IGSF21: variants seen among roughly 807,000 people sequenced by gnomAD.
IGSF21 encodes immunoglobin superfamily member 21, also known as immunoglobulin superfamily member 21.
A neutral mutation model predicts 46.8 loss-of-function variants in IGSF21; 28 were observed. The ratio of observed to expected loss-of-function variants is 0.60; its 90% confidence interval spans 0.44 to 0.82. The LOEUF (loss-of-function observed/expected upper bound fraction) is 0.82. Ranked by LOEUF, IGSF21 falls within the 40% of genes least tolerant of loss-of-function variation. The pLI, the probability that IGSF21 is intolerant of heterozygous loss-of-function variation, is 0.00. For synonymous variants in IGSF21, 284 were observed against 273.6 expected (o/e 1.04, Z -0.38); for missense variants, 624 against 665.5 (o/e 0.94, Z 0.69).
At chr1:18,241,129 G>A (rs2084723241) in intron 2 of IGSF21, among the ~76,000 whole-genome samples, 1 of 152,198 alleles carries the variant, frequency 6.6e-6, no homozygotes, top group Non-Finnish European at 1.5e-5. Context: ...TGGGAGTTGA[G>A]AGGAGGGGGA....
intron 2 of IGSF21, among the ~76,000 whole-genome samples, chr1:18,247,206 G>C (rs760083557): frequency 1.3e-5 from 2 of 152,136 alleles, no homozygotes; most frequent in Non-Finnish European, 2.9e-5. Flanking sequence ...GTCAGGGGAT[G>C]TGAACCTTCC....
intron 1 of IGSF21, among the ~76,000 whole-genome samples, chr1:18,158,251 C>T (rs1469426822): frequency 6.6e-6 from 1 of 152,184 alleles, no homozygotes; most frequent in African/African-American, 2.4e-5. Flanking sequence ...AGGACTCACC[C>T]TCAGCCGGAG....
intron 2 of IGSF21, among the ~76,000 whole-genome samples, chr1:18,262,740 A>T (rs1386369808): frequency 1.1e-4 from 16 of 152,012 alleles, no homozygotes; most frequent in Admixed American, 1.0e-3. Flanking sequence ...ATTGAGAGAG[A>T]TTCTTCCTGG....
chr1:18,341,263 A>G (rs1389010456), intron 4 of IGSF21, among the ~76,000 whole-genome samples: 1 of 151,806 alleles, frequency 6.6e-6, no homozygotes, highest in Non-Finnish European at 1.5e-5. Context: ...CCACCTCAAC[A>G]GATTTGCTCC....
At chr1:18,184,026 A>T (rs1324115997) in intron 1 of IGSF21, among the ~76,000 whole-genome samples, 1 of 152,160 alleles carries the variant, frequency 6.6e-6, no homozygotes, top group Non-Finnish European at 1.5e-5. Flanking sequence ...TTCACAAGGT[A>T]ACACAGGATA....
At chr1:18,356,552 T>C (rs1047857682) in intron 4 of IGSF21, among the ~76,000 whole-genome samples, 3 of 152,366 alleles carry the variant, frequency 2.0e-5, no homozygotes, top group East Asian at 1.9e-4. Context: ...TTGGGATTAT[T>C]CTGGCCCAGG....
intron 1 of IGSF21, among the ~76,000 whole-genome samples, chr1:18,201,727 G>T (rs917994058): frequency 1.3e-5 from 2 of 152,130 alleles, no homozygotes; most frequent in African/African-American, 4.8e-5. Flanking sequence ...CGGGGGGTCT[G>T]TCCGTTACTG....
At chr1:18,287,179 T>TA (rs2085220633) in intron 2 of IGSF21, among the ~76,000 whole-genome samples, 1 of 32,970 alleles carries the variant, frequency 3.0e-5, no homozygotes, top group South Asian at 1.8e-3. Flanking sequence ...AGACTCCGTC[T>TA]CAAAAAAAAA....
chr1:18,267,878 G>A (rs2085004882), intron 2 of IGSF21, among the ~76,000 whole-genome samples: 1 of 152,244 alleles, frequency 6.6e-6, no homozygotes, highest in South Asian at 2.1e-4. Flanking sequence ...ATTCACTCAT[G>A]TATTGTCTGC....
chr1:18,298,175 C>T (rs1001437589), intron 3 of IGSF21, among the ~76,000 whole-genome samples: 2 of 152,174 alleles, frequency 1.3e-5, no homozygotes, highest in African/African-American at 4.8e-5. Context: ...CTGACGTTCA[C>T]TCTCTGTGCC....
intron 2 of IGSF21, among the ~76,000 whole-genome samples, chr1:18,254,035 C>T (rs751040009): frequency 1.4e-4 from 22 of 152,306 alleles, no homozygotes; most frequent in Non-Finnish European, 2.6e-4. Flanking sequence ...GCATTTTAGA[C>T]GTGATCTCTA....
chr1:18,198,836 G>A (rs750883306), intron 1 of IGSF21, among the ~76,000 whole-genome samples: 15 of 152,138 alleles, frequency 9.9e-5, no homozygotes, highest in Non-Finnish European at 2.1e-4. Context: ...TAATAAGGTC[G>A]TGGGAGTAAT....
At chr1:18,360,640 C>G (rs1216230987) in intron 4 of IGSF21, among the ~76,000 whole-genome samples, 1 of 152,140 alleles carries the variant, frequency 6.6e-6, no homozygotes, top group East Asian at 1.9e-4. Context: ...GTGCGTGTCC[C>G]AAGGCTGGGT....
intron 2 of IGSF21, among the ~76,000 whole-genome samples, chr1:18,259,516 GA>G: frequency 6.6e-6 from 1 of 152,316 alleles, no homozygotes; most frequent in Admixed American, 6.5e-5. Flanking sequence ...CTGTTGGAAG[GA>G]AGTCCCCCTA....
intron 2 of IGSF21, chr1:18,278,714 T>C (rs1450726343): frequency 9.1e-5 from 37 of 404,470 alleles, no homozygotes; most frequent in South Asian, 5.5e-4. Context: ...CCACCATGCC[T>C]GGCTAATTTT....
At chr1:18,198,721 A>G (rs1319893992) in intron 1 of IGSF21, among the ~76,000 whole-genome samples, 1 of 152,116 alleles carries the variant, frequency 6.6e-6, no homozygotes, top group East Asian at 1.9e-4. Context: ...GCAGTTCCAC[A>G]CTGGGCCCCA....
chr1:18,203,766 G>C (rs983389298), intron 1 of IGSF21, among the ~76,000 whole-genome samples: 1 of 152,220 alleles, frequency 6.6e-6, no homozygotes, highest in Non-Finnish European at 1.5e-5. Flanking sequence ...TCCAGTATTA[G>C]TTCTTTCTAA....
chr1:18,245,540 CA>C (rs942430693), intron 2 of IGSF21, among the ~76,000 whole-genome samples: 4 of 152,156 alleles, frequency 2.6e-5, no homozygotes, highest in Non-Finnish European at 4.4e-5. Context: ...TTGCATCCTA[CA>C]AATTAGATGA....
chr1:18,216,456 G>T (rs58967205), intron 1 of IGSF21, among the ~76,000 whole-genome samples: 1 of 152,134 alleles, frequency 6.6e-6, no homozygotes, highest in African/African-American at 2.4e-5. Context: ...TTGCATTTTA[G>T]AAATATCATT....
Sources: allele counts gnomAD v4.1 joint callset (sites outside exome capture counted in the v4.1 genomes callset), GRCh38; gene constraint gnomAD v4.1.1; transcripts MANE v1.5; gene names NCBI Gene and HGNC (gene_info 2026-07-23, HGNC 2026-07-21).